DDB2: variants seen among roughly 807,000 people sequenced by gnomAD.
The protein encoded by DDB2 is DNA damage-binding protein 2.
A neutral mutation model predicts 50.5 loss-of-function variants in DDB2; 27 were observed. That is an observed-to-expected ratio of 0.53 (90% CI 0.39 to 0.74). The LOEUF (loss-of-function observed/expected upper bound fraction) is 0.74. Ranked by LOEUF, DDB2 falls within the 30% of genes least tolerant of loss-of-function variation. The pLI, the probability that DDB2 is intolerant of heterozygous loss-of-function variation, is 0.00. For synonymous variants in DDB2, 176 were observed against 205.5 expected (o/e 0.86, Z 1.23); for missense variants, 424 against 545.6 (o/e 0.78, Z 2.22).
chr11:47,236,926 ATTTC>A (rs1953733460), intron 7 of DDB2, among the ~76,000 whole-genome samples: 1 of 152,120 alleles, frequency 6.6e-6, no homozygotes, highest in Admixed American at 6.5e-5. Context: ...CGCATGTACT[ATTTC>A]TTCCTTCCTG....
At chr11:47,237,341 A>C (rs1357235509) in intron 7 of DDB2, among the ~76,000 whole-genome samples, 1 of 152,208 alleles carries the variant, frequency 6.6e-6, no homozygotes, top group African/African-American at 2.4e-5. Context: ...AAAAATGTGC[A>C]ATGGCAGAGG....
In DDB2 at chr11:47,232,682, A is replaced by G. The variant is rs1182988416; in HGVS notation, c.457-132A>G. ...GTGAAGGCCCTGTAGAGAGCGTCCT[A>G]GTGTCTAAGCTGACCTGGCCCCAAG... is the stretch of plus-strand genomic sequence containing the variant. On this transcript the variant is annotated intron_variant, in intron 3 of 9. Coordinates refer to ENST00000256996, the MANE Select transcript of DDB2 (RefSeq NM_000107.3). 3.4e-6 allele frequency: 3 copies of G among 886,314 alleles called. No individual in the cohort carries two copies. In the African/African-American group the frequency reaches 4.9e-5, roughly 15 times the overall value. 54.9% of individuals were successfully genotyped at this position (886,314 alleles called of 1,614,324 possible).
intron 3 of DDB2, among the ~76,000 whole-genome samples, chr11:47,228,227 A>G (rs1018058862): frequency 6.7e-6 from 1 of 149,408 alleles, no homozygotes; most frequent in Non-Finnish European, 1.5e-5. Context: ...TGAGTGCACC[A>G]CTGCAGTCCA....
intron 7 of DDB2, among the ~76,000 whole-genome samples, chr11:47,237,392 C>T (rs1040236672): frequency 2.0e-5 from 3 of 151,682 alleles, no homozygotes; most frequent in Admixed American, 6.6e-5. Context: ...TTCTGTAAGA[C>T]TTATCTCCAT....
chr11:47,232,123 T>A (rs1363100098), intron 3 of DDB2, among the ~76,000 whole-genome samples: 1 of 151,848 alleles, frequency 6.6e-6, no homozygotes, highest in Non-Finnish European at 1.5e-5. Context: ...GGTGGCGGAT[T>A]ACCTGAGGGC....
At chr11:47,228,154 A>T (rs1953586922) in intron 3 of DDB2, among the ~76,000 whole-genome samples, 1 of 151,428 alleles carries the variant, frequency 6.6e-6, no homozygotes, top group Non-Finnish European at 1.5e-5. Context: ...AAAAAAAAAA[A>T]AAAAAAGATT....
intron 3 of DDB2, among the ~76,000 whole-genome samples, chr11:47,224,089 A>AAAAAC (rs552691155): frequency 2.6e-5 from 4 of 152,216 alleles, no homozygotes; most frequent in East Asian, 3.8e-4. Flanking sequence ...TGTCTCAATT[A>AAAAAC]AAAACAAAAC....
At chr11:47,228,220 G>A (rs1311463425) in intron 3 of DDB2, among the ~76,000 whole-genome samples, 1 of 150,392 alleles carries the variant, frequency 6.6e-6, no homozygotes, top group Admixed American at 6.6e-5. Context: ...AGTAAGCTGA[G>A]TGCACCACTG....
Position 47,235,383 on chromosome 11 carries a change from C to T in DDB2, c.994C>T (p.Arg332Cys), listed in dbSNP as rs1334530004. The T allele has an allele frequency of 3.1e-6, 5 of 1,613,468 alleles. No individual in the cohort carries two copies. Among genetic ancestry groups the T allele is most frequent in the South Asian group, 1.1e-5 (1 of 91,096 alleles). The change falls in exon 7 of 10, where the codon CGT becomes TGT. Residue 332 changes from arginine (R) to cysteine (C), a missense_variant. Transcript: ENST00000256996. ...CCTGGGCCTGATCCCGCACCCTCAC[C>T]GTCACTTCCAGCACCTCACACCCAT... ...CPLGLIPHPH[R>C]HFQHLTPIKA...
At chr11:47,234,326 A>C (rs1394916380) in intron 4 of DDB2, among the ~76,000 whole-genome samples, 2 of 152,096 alleles carry the variant, frequency 1.3e-5, no homozygotes, top group African/African-American at 4.8e-5. Flanking sequence ...AGGGACTTTT[A>C]GGAGCTGGGG....
chr11:47,223,014 GT>G (rs1370945857), intron 3 of DDB2, among the ~76,000 whole-genome samples: 62 of 152,054 alleles, frequency 4.1e-4, no homozygotes, highest in Non-Finnish European at 3.2e-4. Context: ...TTCCACTGTT[GT>G]TTATCTAGAA....
chr11:47,238,215 A>G, intron 9 of DDB2, 32 bp downstream of exon 9: 1 of 1,586,496 alleles, frequency 6.3e-7, no homozygotes, highest in Non-Finnish European at 8.6e-7. Flanking sequence ...CTGACTTGCC[A>G]AGTCCGATCC....
In DDB2 at chr11:47,238,989, G is replaced by A. The variant is rs1230567041; in HGVS notation, c.*140G>A. On this transcript the variant is annotated 3_prime_UTR_variant, in exon 10 of 10. Transcript: ENST00000256996. The stretch of plus-strand genomic sequence containing the variant: ...TGGAGCAGGGGTGCTGGGACCTGGG[G>A]CACTGTGGGACTGGGACACTTTTAT... The A allele has an allele frequency of 3.6e-6, 3 of 830,382 alleles. No individual in the cohort carries two copies. Among genetic ancestry groups the A allele is most frequent in the African/African-American group, 3.4e-5 (2 of 59,404 alleles). The allele number at this position is 830,382 out of a possible 1,614,324, so 51.4% of individuals were successfully genotyped here.
chr11:47,230,420 T>G (rs1333281321), intron 3 of DDB2, among the ~76,000 whole-genome samples: 1 of 152,218 alleles, frequency 6.6e-6, no homozygotes, highest in African/African-American at 2.4e-5. Context: ...GCTTTTATAG[T>G]AGTAATAATG....
In DDB2 at chr11:47,235,272, T is replaced by G; in HGVS notation, c.883T>G (p.Cys295Gly). ...TCAGGGGCTTTTCACTTTGCCAGCT[T>G]GTTTCAGTCCCGATGGAGCCCGGCT... The part of the protein sequence containing the change: ...LPHRHPVNAA[C>G]FSPDGARLLT... Residue 295 changes from cysteine to glycine, a missense_variant and splice_region_variant, in exon 7 of 10, where the codon TGT becomes GGT. Coordinates refer to ENST00000256996, the MANE Select transcript of DDB2 (RefSeq NM_000107.3). 6.2e-7 allele frequency: 1 copy of G among 1,614,216 alleles called. No individual in the cohort carries two copies. Among genetic ancestry groups the G allele is most frequent in the Non-Finnish European group, 8.5e-7 (1 of 1,180,040 alleles).
chr11:47,238,832 G>A lies in DDB2; in HGVS notation c.1267G>A (p.Ala423Thr). Residue 423 changes from alanine to threonine, a missense_variant, in exon 10 of 10, where the codon GCC (alanine) becomes ACC (threonine). By Grantham distance (58) the Ala-to-Thr change is moderately conservative. Coordinates refer to ENST00000256996, the MANE Select transcript of DDB2 (RefSeq NM_000107.3). ...YHILIWSQEE[A>T]RTRK ...CATTCTCATCTGGAGCCAGGAGGAA[G>A]CCAGGACACGGAAGTGAGAGACACT... 6.2e-7 allele frequency: 1 copy of A among 1,613,766 alleles called. No homozygotes were observed. The highest frequency in any genetic ancestry group is 8.5e-7 in the Non-Finnish European group (1 of 1,179,960).
At position 47,238,884 on chromosome 11, in the gene DDB2, T is replaced by C; in HGVS notation, c.*35T>C. On this transcript the variant is annotated 3_prime_UTR_variant, in exon 10 of 10. Transcript: ENST00000256996. ...AAGAAGGTGTGGGCCAGACAAGGCC[T>C]TGGAGCCCACACATGGGATCAAGTC... 6.2e-7 allele frequency: 1 copy of C among 1,609,260 alleles called. No individual in the cohort carries two copies. Among genetic ancestry groups the C allele is most frequent in the Non-Finnish European group, 8.5e-7 (1 of 1,177,108 alleles).
chr11:47,231,021 G>A (rs1377325261), intron 3 of DDB2, among the ~76,000 whole-genome samples: 1 of 150,064 alleles, frequency 6.7e-6, no homozygotes, highest in African/African-American at 2.5e-5. Flanking sequence ...TCAGGAGGCT[G>A]AGGCAGGAGG....
chr11:47,215,516 G>T (rs1953389043), intron 1 of DDB2: 2 of 529,286 alleles, frequency 3.8e-6, no homozygotes, highest in Non-Finnish European at 6.9e-6. Context: ...GTTCGTATCA[G>T]GGTTCTTGCA....
Sources: gnomAD v4.1 joint callset for allele counts (sites outside exome capture counted in the v4.1 genomes callset) on GRCh38, gnomAD v4.1.1 for gene constraint, MANE v1.5 for transcripts, NCBI Gene and HGNC (gene_info 2026-07-23, HGNC 2026-07-21) for gene names.